The following CDH8 variants were observed in gnomAD, a reference collection of about 807,000 sequenced individuals.
CDH8 encodes cadherin 8, also known as cadherin-8.
Under a neutral mutation model 68.1 loss-of-function variants are expected in CDH8, and 17 were observed. That is an observed-to-expected ratio of 0.25 (90% CI 0.17 to 0.37). CDH8 has a LOEUF of 0.37. Ranked by LOEUF, CDH8 falls within the 10% of genes least tolerant of loss-of-function variation. The pLI is 1.00. For missense variants in CDH8, 763 were observed against 999.3 expected (o/e 0.76, Z 3.19); for synonymous variants, 372 against 365.1 (o/e 1.02, Z -0.21).
chr16:61,873,564 T>C (rs1385248066), intron 3 of CDH8, among the ~76,000 whole-genome samples: 2 of 152,250 alleles, frequency 1.3e-5, no homozygotes, highest in African/African-American at 2.4e-5. Context: ...CCCTGACTTA[T>C]GACGGGTCAA....
Position 62,035,079 on chromosome 16 carries a change from A to T in CDH8, c.-200+1001T>A, listed in dbSNP as rs984925645. ...GAGGAATAAGCGGAGGAAATTGTGG[A>T]TACCTGTTGGCATCAGCGTTGGCGG... On this transcript the variant is annotated intron_variant, in intron 1 of 11. Coordinates refer to ENST00000577390, the MANE Select transcript of CDH8 (RefSeq NM_001796.5). 2.0e-5 allele frequency: 3 copies of T among 152,250 alleles called. No individual in the cohort carries two copies. The East Asian group carries it at 5.8e-4, about 30-fold the overall frequency. The allele number at this position is 152,250 out of a possible 1,614,324, so 9.4% of individuals were successfully genotyped here.
At chr16:61,930,306 C>CACACACA (rs1964522478) in intron 2 of CDH8, among the ~76,000 whole-genome samples, 1 of 150,652 alleles carries the variant, frequency 6.6e-6, no homozygotes, top group African/African-American at 2.5e-5. Context: ...CACACACACA[C>CACACACA]CCCTATGTAT....
chr16:61,714,223 T>C, intron 9 of CDH8: 1 of 395,304 alleles, frequency 2.5e-6, no homozygotes, highest in Non-Finnish European at 4.5e-6. Flanking sequence ...CAAAGTTAAG[T>C]GTATTTGAAA....
chr16:61,707,098 G>A (rs1313575421), intron 10 of CDH8, among the ~76,000 whole-genome samples: 1 of 152,026 alleles, frequency 6.6e-6, no homozygotes, highest in Admixed American at 6.6e-5. Context: ...TTGGCCCATC[G>A]AGTAAGGGAA....
At chr16:61,714,978 C>T (rs371243755) in intron 9 of CDH8, among the ~76,000 whole-genome samples, 87 of 151,640 alleles carry the variant, frequency 5.7e-4, no homozygotes, top group African/African-American at 2.0e-3. Flanking sequence ...GTCATCTTTG[C>T]TTTCTAACTT....
intron 4 of CDH8, among the ~76,000 whole-genome samples, chr16:61,854,133 C>CAT (rs1388356865): frequency 9.7e-6 from 1 of 103,382 alleles, no homozygotes; most frequent in Non-Finnish European, 1.8e-5. Flanking sequence ...TACACATACA[C>CAT]ACACACACAC....
At chr16:62,008,312 T>C (rs1901720461) in intron 2 of CDH8, among the ~76,000 whole-genome samples, 1 of 152,198 alleles carries the variant, frequency 6.6e-6, no homozygotes, top group African/African-American at 2.4e-5. Context: ...TCACCCTCTA[T>C]TTGCCACTTG....
chr16:61,833,454 G>A (rs186536027), intron 4 of CDH8, among the ~76,000 whole-genome samples: 3 of 151,858 alleles, frequency 2.0e-5, no homozygotes, highest in African/African-American at 7.2e-5. Flanking sequence ...CAGTGGTTAT[G>A]ATAATCAGCA....
intron 8 of CDH8, chr16:61,743,283 C>T (rs1484972209): frequency 6.6e-6 from 1 of 152,196 alleles, no homozygotes; most frequent in Non-Finnish European, 1.5e-5. Flanking sequence ...AGCACAGCTA[C>T]TCCTATATCC....
At chr16:61,939,705 G>A (rs1050236079) in intron 2 of CDH8, among the ~76,000 whole-genome samples, 1 of 152,102 alleles carries the variant, frequency 6.6e-6, no homozygotes, top group African/African-American at 2.4e-5. Context: ...TGAAAATGAT[G>A]GGCTATGCAA....
At chr16:61,819,453 G>A (rs1208263451) in intron 6 of CDH8, among the ~76,000 whole-genome samples, 1 of 151,998 alleles carries the variant, frequency 6.6e-6, no homozygotes, top group Non-Finnish European at 1.5e-5. Context: ...GTGGCTCTGG[G>A]TTATTCAATA....
At chr16:61,860,085 C>A (rs988500275) in intron 3 of CDH8, among the ~76,000 whole-genome samples, 23 of 152,180 alleles carry the variant, frequency 1.5e-4, no homozygotes, top group African/African-American at 5.5e-4. Context: ...TCGTGATCTG[C>A]CCACCTCTGC....
At chr16:61,738,365 T>G (rs993855150) in intron 8 of CDH8, among the ~76,000 whole-genome samples, 34 of 152,160 alleles carry the variant, frequency 2.2e-4, no homozygotes, top group African/African-American at 8.0e-4. Context: ...GTATAACCAC[T>G]TGGCAAGTTC....
chr16:61,848,045 C>T (rs999752787), intron 4 of CDH8, among the ~76,000 whole-genome samples: 1 of 152,006 alleles, frequency 6.6e-6, no homozygotes, highest in African/African-American at 2.4e-5. Context: ...TGTTGTTCTT[C>T]ACCAAATCAT....
At chr16:61,736,805 T>C (rs1300523549) in intron 8 of CDH8, among the ~76,000 whole-genome samples, 1 of 152,186 alleles carries the variant, frequency 6.6e-6, no homozygotes, top group Non-Finnish European at 1.5e-5. Flanking sequence ...TTTATGTCCT[T>C]TGTGACTGGC....
chr16:61,987,827 G>A lies in CDH8; in HGVS notation c.252+33325C>T, dbSNP rs8055605. Reference sequence around the variant, plus strand: ...ATATTAATACTAGTACTAACAGCTAGCATTTACCAAGTGCTAACTGCATTT... The same window carrying A: ...ATATTAATACTAGTACTAACAGCTAACATTTACCAAGTGCTAACTGCATTT... On this transcript the variant is annotated intron_variant, in intron 2 of 11. Transcript: ENST00000577390. 5.1e-3 allele frequency among the ~76,000 whole-genome samples: 770 copies of A among 152,022 alleles called. 5 individuals are homozygous for A. The highest frequency in any genetic ancestry group is 0.018 in the African/African-American group (737 of 41,502).
At chr16:61,739,776 A>G (rs1369540683) in intron 8 of CDH8, among the ~76,000 whole-genome samples, 1 of 148,924 alleles carries the variant, frequency 6.7e-6, no homozygotes, top group East Asian at 2.0e-4. Context: ...AAACAAACAA[A>G]AAAACAAACC....
intron 10 of CDH8, among the ~76,000 whole-genome samples, chr16:61,671,910 T>A (rs886737855): frequency 6.6e-6 from 1 of 152,088 alleles, no homozygotes; most frequent in East Asian, 1.9e-4. Context: ...GTCACCCTTA[T>A]GATTGAAACA....
chr16:61,836,668 C>G (rs1273346669), intron 4 of CDH8, among the ~76,000 whole-genome samples: 1 of 151,918 alleles, frequency 6.6e-6, no homozygotes. Flanking sequence ...CGGTAGCTGT[C>G]ACAATGACCA....
Sources: allele counts gnomAD v4.1 joint callset (sites outside exome capture counted in the v4.1 genomes callset), GRCh38; gene constraint gnomAD v4.1.1; transcripts MANE v1.5; gene names NCBI Gene and HGNC (gene_info 2026-07-23, HGNC 2026-07-21).